ATXN1: variants seen among roughly 807,000 people sequenced by gnomAD.
The protein encoded by ATXN1 is ataxin-1.
A neutral mutation model predicts 56.4 loss-of-function variants in ATXN1; 8 were observed. The ratio of observed to expected loss-of-function variants is 0.14; its 90% confidence interval spans 0.08 to 0.26. ATXN1 has a LOEUF of 0.26. ATXN1 is among the 10% of genes least tolerant of loss of function. ATXN1 has a pLI of 1.00. For synonymous variants in ATXN1, 514 were observed against 494.6 expected, an observed-to-expected ratio of 1.04 and a Z score of -0.52; for missense variants, 987 against 1,106.5, an observed-to-expected ratio of 0.89 and a Z score of 1.53.
intron 3 of ATXN1, among the ~76,000 whole-genome samples, chr6:16,635,926 C>T (rs1259170100): frequency 6.6e-6 from 1 of 152,140 alleles, no homozygotes; most frequent in Non-Finnish European, 1.5e-5. Flanking sequence ...GCAAGGGAAA[C>T]GCGGCTCCCT....
At chr6:16,349,445 G>C (rs1234391203) in intron 6 of ATXN1, among the ~76,000 whole-genome samples, 1 of 152,058 alleles carries the variant, frequency 6.6e-6, no homozygotes, top group Non-Finnish European at 1.5e-5. Context: ...AGAGGTTGCA[G>C]TGAGCTGAGA....
intron 6 of ATXN1, among the ~76,000 whole-genome samples, chr6:16,333,877 A>G (rs1039948015): frequency 3.3e-5 from 5 of 152,206 alleles, no homozygotes; most frequent in Admixed American, 2.6e-4. Flanking sequence ...TTGGCCAAGC[A>G]TTAAAAACAG....
intron 6 of ATXN1, among the ~76,000 whole-genome samples, chr6:16,345,983 G>T (rs1761377877): frequency 6.6e-6 from 1 of 152,166 alleles, no homozygotes; most frequent in African/African-American, 2.4e-5. Context: ...CTGGATGTAG[G>T]CAACACCCTC....
At chr6:16,408,494 T>C (rs1206881760) in intron 6 of ATXN1, among the ~76,000 whole-genome samples, 1 of 147,506 alleles carries the variant, frequency 6.8e-6, no homozygotes, top group Admixed American at 6.8e-5. Flanking sequence ...AAGATGAGAA[T>C]GAGGAACATG....
intron 4 of ATXN1, among the ~76,000 whole-genome samples, chr6:16,560,632 T>C (rs1762099711): frequency 6.6e-6 from 1 of 152,092 alleles, no homozygotes; most frequent in Non-Finnish European, 1.5e-5. Flanking sequence ...CCAGCAACAC[T>C]AAAATGTCCC....
chr6:16,592,818 T>A (rs1762746016), intron 3 of ATXN1, among the ~76,000 whole-genome samples: 1 of 133,820 alleles, frequency 7.5e-6, no homozygotes, highest in African/African-American at 2.8e-5. Context: ...AGAACAAAGC[T>A]TCCACAGCTG....
At chr6:16,707,186 A>G (rs150963148) in intron 2 of ATXN1, among the ~76,000 whole-genome samples, 7 of 152,094 alleles carry the variant, frequency 4.6e-5, no homozygotes, top group African/African-American at 1.7e-4. Flanking sequence ...TTTAATTACT[A>G]TTTCTATACT....
chr6:16,533,317 A>G (rs1387972686), intron 4 of ATXN1, among the ~76,000 whole-genome samples: 3 of 152,216 alleles, frequency 2.0e-5, no homozygotes, highest in African/African-American at 7.2e-5. Context: ...GAAGTTTCAA[A>G]TGAGAGTTGA....
rs569322483 is a variant in ATXN1, at chr6:16,736,550, A to G, written c.-615+16683T>C. Among the ~76,000 whole-genome samples, 6 of 152,380 alleles carry G rather than the reference A, an allele frequency of 3.9e-5. No homozygotes were observed. In the East Asian group the frequency reaches 1.2e-3, roughly 29 times the overall value. On this transcript the variant is annotated intron_variant, in intron 2 of 7. Coordinates refer to ENST00000436367, the MANE Select transcript of ATXN1 (RefSeq NM_001128164.2). Reference sequence around the variant, plus strand: ...ACTTAAAGTTGTATCATAGCTGTACAATTAGCCAAAACTGAATATATTTTA... The same window carrying G: ...ACTTAAAGTTGTATCATAGCTGTACGATTAGCCAAAACTGAATATATTTTA...
chr6:16,484,956 T>G (rs1417061485), intron 6 of ATXN1, among the ~76,000 whole-genome samples: 4 of 109,656 alleles, frequency 3.6e-5, no homozygotes, highest in African/African-American at 1.2e-4. Flanking sequence ...TATGTGTGTG[T>G]GTGTGTGTGT....
intron 4 of ATXN1, among the ~76,000 whole-genome samples, chr6:16,572,507 T>C (rs1762350681): frequency 6.6e-6 from 1 of 152,176 alleles, no homozygotes; most frequent in African/African-American, 2.4e-5. Context: ...TAACAGGCTA[T>C]AATTGCTGAC....
intron 6 of ATXN1, among the ~76,000 whole-genome samples, chr6:16,415,841 T>A (rs191637167): frequency 6.6e-6 from 1 of 152,196 alleles, no homozygotes; most frequent in South Asian, 2.1e-4. Context: ...GGATCCTTCA[T>A]GCTGTAGGTA....
At chr6:16,726,870 A>C (rs1217774586) in intron 2 of ATXN1, among the ~76,000 whole-genome samples, 8 of 152,192 alleles carry the variant, frequency 5.3e-5, no homozygotes, top group African/African-American at 1.9e-4. Flanking sequence ...AAAAAAAACA[A>C]AGAATAATTT....
intron 4 of ATXN1, among the ~76,000 whole-genome samples, chr6:16,531,077 C>A (rs946844387): frequency 1.3e-5 from 2 of 152,218 alleles, no homozygotes; most frequent in Non-Finnish European, 2.9e-5. Flanking sequence ...TCCACAGTAT[C>A]TCAAAATTCC....
Position 16,597,541 on chromosome 6 carries a change from C to T in ATXN1, c.-488-11634G>A, listed in dbSNP as rs184757180. ...GCAGCCTCTACCTCTCAGATTCTAG[C>T]GATTCTCCTGCCTCTGCCTCCCCAG... On this transcript the variant is annotated intron_variant, in intron 3 of 7. Coordinates refer to ENST00000436367, the MANE Select transcript of ATXN1 (RefSeq NM_001128164.2). 5.3e-5 allele frequency among the ~76,000 whole-genome samples: 8 copies of T among 151,706 alleles called. No homozygotes were observed. In the East Asian group the frequency reaches 1.2e-3, roughly 22 times the overall value.
At chr6:16,538,070 A>G (rs916883675) in intron 4 of ATXN1, among the ~76,000 whole-genome samples, 1 of 152,200 alleles carries the variant, frequency 6.6e-6, no homozygotes, top group African/African-American at 2.4e-5. Context: ...GCACTTGATG[A>G]AACCCCTTGT....
At chr6:16,421,688 T>C (rs1489270676) in intron 6 of ATXN1, among the ~76,000 whole-genome samples, 1 of 151,798 alleles carries the variant, frequency 6.6e-6, no homozygotes, top group African/African-American at 2.4e-5. Context: ...CATACATATT[T>C]GTGGGAGATG....
At chr6:16,432,637 T>C (rs1472639682) in intron 6 of ATXN1, 2 of 152,242 alleles carry the variant, frequency 1.3e-5, no homozygotes, top group South Asian at 4.1e-4. Context: ...GCCTCATGCA[T>C]GTCTGTGCAC....
intron 6 of ATXN1, among the ~76,000 whole-genome samples, chr6:16,356,754 A>G (rs1391469674): frequency 6.6e-6 from 1 of 152,154 alleles, no homozygotes; most frequent in African/African-American, 2.4e-5. Flanking sequence ...TACTAGACAA[A>G]CTTCTTTTGG....
Sources: gnomAD v4.1 joint callset for allele counts (sites outside exome capture counted in the v4.1 genomes callset) on GRCh38, gnomAD v4.1.1 for gene constraint, MANE v1.5 for transcripts, NCBI Gene and HGNC (gene_info 2026-07-23, HGNC 2026-07-21) for gene names.